The following GSAP variants were observed in gnomAD, a reference collection of about 807,000 sequenced individuals.
GSAP encodes gamma-secretase-activating protein.
In GSAP, 118 loss-of-function variants were observed where a neutral mutation model predicts 131.7. The observed-to-expected ratio is 0.90, with a 90% CI of 0.77 to 1.04. The LOEUF (loss-of-function observed/expected upper bound fraction) is 1.04. GSAP is among the 50% of genes least tolerant of loss of function. GSAP has a pLI of 0.00. For missense variants in GSAP, 1,019 were observed against 1,013.2 expected (o/e 1.01, Z -0.08); for synonymous variants, 381 against 363.4 (o/e 1.05, Z -0.55).
intron 19 of GSAP, among the ~76,000 whole-genome samples, chr7:77,346,195 A>T (rs915791920): frequency 6.9e-6 from 1 of 144,976 alleles, no homozygotes; most frequent in African/African-American, 2.6e-5. Context: ...GCTTGAACCC[A>T]GGAGGCAGAG....
chr7:77,363,500 C>T (rs867334166), intron 12 of GSAP, among the ~76,000 whole-genome samples: 1 of 152,228 alleles, frequency 6.6e-6, no homozygotes, highest in Non-Finnish European at 1.5e-5. Context: ...CCAGAGCTAA[C>T]GTTAACTAGC....
In GSAP at chr7:77,353,571, C is replaced by G; in HGVS notation, c.1408+1G>C. On this transcript the variant is annotated splice_donor_variant, in intron 17 of 30. Transcript: ENST00000257626. LOFTEE classifies it high-confidence loss of function. ...TAAGCTGCAACATCAGCAACACTTA[C>G]CAATTATAAATTCCTGAATGAGGTC... 3 of 1,599,068 alleles carry G rather than the reference C, an allele frequency of 1.9e-6. No individual in the cohort carries two copies. The highest frequency in any genetic ancestry group is 2.6e-6 in the Non-Finnish European group (3 of 1,167,400).
chr7:77,380,691 T>C (rs555264343), intron 8 of GSAP, among the ~76,000 whole-genome samples: 2 of 151,588 alleles, frequency 1.3e-5, no homozygotes, highest in East Asian at 3.9e-4. Flanking sequence ...ACATACCAGG[T>C]TGTGAACAAA....
rs1377983652 is a variant in GSAP at position 77,330,290 on chromosome 7, G to A, written c.1623C>T (p.His541=). ...EYVKYAKPHF[H]YNNSVVRREW... ...CTCTCCTGACCACACTGTTGTTATA[G>A]TGGAAGTGTGGCTTGGCGTACTTAA... Residue 541 remains histidine (H), a synonymous_variant, in exon 20 of 31, where the codon CAC becomes CAT. Transcript: ENST00000257626. 1 of 1,613,762 alleles carries A rather than the reference G, an allele frequency of 6.2e-7. No homozygotes were observed. Among genetic ancestry groups the A allele is most frequent in the East Asian group, 2.2e-5 (1 of 44,876 alleles).
chr7:77,416,391 C>G (rs934913709), upstream of GSAP: 9 of 766,518 alleles, frequency 1.2e-5, no homozygotes, highest in Non-Finnish European at 1.7e-5. Flanking sequence ...GCGTGGCCGC[C>G]TCGCCCTCGC....
chr7:77,370,622 C>T (rs1795978798), intron 12 of GSAP, among the ~76,000 whole-genome samples: 2 of 152,212 alleles, frequency 1.3e-5, no homozygotes, highest in Non-Finnish European at 2.9e-5. Context: ...TCAATATATG[C>T]TGTGAGCATT....
chr7:77,376,942 C>A (rs1340040248), intron 9 of GSAP, 35 bp from the exon 10 acceptor site: 2 of 1,190,444 alleles, frequency 1.7e-6, no homozygotes, highest in Admixed American at 2.4e-5. Context: ...ATTAAAAAAC[C>A]AGGAAAAAAA....
intron 19 of GSAP, among the ~76,000 whole-genome samples, chr7:77,332,452 C>A (rs1789301301): frequency 6.6e-6 from 1 of 152,166 alleles, no homozygotes; most frequent in Non-Finnish European, 1.5e-5. Context: ...AGCCATCTGT[C>A]TGCTAAGAAG....
At chr7:77,316,767 A>AC (rs1795009681) in intron 26 of GSAP, among the ~76,000 whole-genome samples, 1 of 152,128 alleles carries the variant, frequency 6.6e-6, no homozygotes. Flanking sequence ...TGGCCTCTAT[A>AC]CATCAGCTCT....
At chr7:77,380,001 CTAAA>C (rs1797558151) in intron 8 of GSAP, 2 of 669,888 alleles carry the variant, frequency 3.0e-6, no homozygotes, top group African/African-American at 3.9e-5. Context: ...TTGATGCAGA[CTAAA>C]TATTGAAGAA....
chr7:77,414,205 G>A (rs1231483674), intron 1 of GSAP, among the ~76,000 whole-genome samples: 1 of 152,220 alleles, frequency 6.6e-6, no homozygotes, highest in Non-Finnish European at 1.5e-5. Context: ...CAGAAAGCAA[G>A]TATGCATAGA....
At chr7:77,406,188 T>C (rs1802237462) in intron 1 of GSAP, 83 bp from the exon 2 acceptor site, 1 of 699,902 alleles carries the variant, frequency 1.4e-6, no homozygotes, top group Non-Finnish European at 1.9e-6. Flanking sequence ...GGAAGCCAAA[T>C]ATAAATATAT....
intron 14 of GSAP, among the ~76,000 whole-genome samples, chr7:77,358,505 T>C: frequency 6.6e-6 from 1 of 152,228 alleles, no homozygotes; most frequent in East Asian, 1.9e-4. Context: ...ACATGTAAAA[T>C]GGATACTTCT....
At position 77,377,333 on chromosome 7, in the gene GSAP, C is replaced by A; in HGVS notation, c.634G>T (p.Ala212Ser). 6.3e-7 allele frequency: 1 copy of A among 1,588,064 alleles called. No individual in the cohort carries two copies. Among genetic ancestry groups the A allele is most frequent in the South Asian group, 1.1e-5 (1 of 87,496 alleles). The change falls in exon 9 of 31, where the codon GCT becomes TCT. Residue 212 changes from alanine to serine, a missense_variant. Physicochemically the swap from Ala to Ser is moderately conservative, Grantham distance 99 (BLOSUM62 1). Transcript: ENST00000257626. ...CTCTGTTCTGACATATCCCACTGAGCCCAAACGAAATCCTCAGCTATTCTG... is the reference window on the plus strand; with the variant it reads ...CTCTGTTCTGACATATCCCACTGAGACCAAACGAAATCCTCAGCTATTCTG... ...RDRIAEDFVW[A>S]QWDMSEQRLY...
rs759291857 is a variant in GSAP, at chr7:77,345,608, C to G, written c.1545+3743G>C. Among the ~76,000 whole-genome samples, 257 of 152,276 alleles carry G rather than the reference C, an allele frequency of 1.7e-3. 5 individuals carry two copies. The highest frequency in any genetic ancestry group is 3.4e-3 in the Middle Eastern group (1 of 294). Reference sequence around the variant, plus strand: ...TCCACCATTGCGACTTGTTTCTGCCCCATCTTAACTGAGCGATTAACCTTG... The same window carrying G: ...TCCACCATTGCGACTTGTTTCTGCCGCATCTTAACTGAGCGATTAACCTTG... On this transcript the variant is annotated intron_variant, in intron 19 of 30. Coordinates refer to ENST00000257626, the MANE Select transcript of GSAP (RefSeq NM_017439.4).
chr7:77,355,139 C>T, intron 16 of GSAP, 74 bp downstream of exon 16: 2 of 971,240 alleles, frequency 2.1e-6, no homozygotes, highest in Non-Finnish European at 3.2e-6. Flanking sequence ...TAACTCCTGA[C>T]CATTTTCAAC....
chr7:77,415,012 C>T (rs924558740), intron 1 of GSAP, among the ~76,000 whole-genome samples: 1 of 151,942 alleles, frequency 6.6e-6, no homozygotes, highest in African/African-American at 2.4e-5. Context: ...AGCGTGTCAC[C>T]ACGCCCAGCT....
At chr7:77,382,752 A>T in intron 6 of GSAP, 109 bp from the exon 7 acceptor site, 1 of 618,820 alleles carries the variant, frequency 1.6e-6, no homozygotes, top group East Asian at 2.7e-5. Context: ...AGAAACTGGG[A>T]ATCACAGAAG....
At chr7:77,414,069 T>C (rs75460595) in intron 1 of GSAP, among the ~76,000 whole-genome samples, 1 of 152,156 alleles carries the variant, frequency 6.6e-6, no homozygotes, top group Non-Finnish European at 1.5e-5. Context: ...AGAATTTCCA[T>C]GGCTGACTCA....
Sources: allele counts gnomAD v4.1 joint callset (sites outside exome capture counted in the v4.1 genomes callset), GRCh38; gene constraint gnomAD v4.1.1; transcripts MANE v1.5; gene names NCBI Gene and HGNC (gene_info 2026-07-23, HGNC 2026-07-21).